SYT16: variants seen among roughly 807,000 people sequenced by gnomAD.
SYT16 encodes the protein synaptotagmin 16, also known as synaptotagmin-16.
A neutral mutation model predicts 61.4 loss-of-function variants in SYT16; 42 were observed. The ratio of observed to expected loss-of-function variants is 0.68; its 90% CI spans 0.53 to 0.89. The LOEUF is 0.89. SYT16 is among the 40% of genes least tolerant of loss of function. The pLI, the probability that SYT16 is intolerant of heterozygous loss-of-function variation, is 0.00. For missense variants in SYT16, 804 were observed against 807.3 expected, an observed-to-expected ratio of 1.00 and a Z score of 0.05; for synonymous variants, 314 against 302.3, an observed-to-expected ratio of 1.04 and a Z score of -0.40.
rs143132219 is a variant in SYT16 at position 61,869,103 on chromosome 14, G to A, written c.-325+56293G>A. ...TAGTATAGCCACTCAGCTTTATTTC[G>A]GTTAGTTTTAGTGTGGTTTATCTTT... is the stretch of plus-strand genomic sequence containing the variant. On this transcript the variant is annotated intron_variant, in intron 1 of 7. Transcript: ENST00000683842. Among the ~76,000 whole-genome samples, 434 of 151,902 alleles carry A rather than the reference G, an allele frequency of 2.9e-3. 8 individuals are homozygous for A. The highest frequency in any genetic ancestry group is 0.019 in the East Asian group (96 of 5,178).
At chr14:61,891,355 C>G (rs2048125640) in intron 1 of SYT16, among the ~76,000 whole-genome samples, 1 of 151,872 alleles carries the variant, frequency 6.6e-6, no homozygotes, top group Non-Finnish European at 1.5e-5. Context: ...AGCATTGATT[C>G]ACATTTCAAG....
chr14:62,093,921 G>T (rs1346483583), intron 7 of SYT16, among the ~76,000 whole-genome samples: 1 of 152,068 alleles, frequency 6.6e-6, no homozygotes, highest in East Asian at 1.9e-4. Flanking sequence ...ACAGTCCAAA[G>T]TAGTTATGTG....
At chr14:61,967,587 G>A (rs2051366043) in intron 1 of SYT16, among the ~76,000 whole-genome samples, 1 of 151,982 alleles carries the variant, frequency 6.6e-6, no homozygotes. Flanking sequence ...CTCTGCCCTG[G>A]GCTTCATGTG....
intron 1 of SYT16, among the ~76,000 whole-genome samples, chr14:61,913,474 A>T (rs2049007099): frequency 6.6e-6 from 1 of 152,204 alleles, no homozygotes; most frequent in South Asian, 2.1e-4. Flanking sequence ...AGAAAAAATT[A>T]ATATCATGTA....
intron 2 of SYT16, among the ~76,000 whole-genome samples, chr14:61,978,670 A>C (rs1240126425): frequency 1.3e-5 from 2 of 152,170 alleles, no homozygotes; most frequent in African/African-American, 2.4e-5. Context: ...CTTTTAAGTC[A>C]GGGAGGGAAG....
intron 1 of SYT16, among the ~76,000 whole-genome samples, chr14:61,959,011 G>A (rs949503288): frequency 4.6e-5 from 7 of 151,950 alleles, no homozygotes; most frequent in Admixed American, 4.6e-4. Flanking sequence ...GCCCTTCTTT[G>A]TCTCTTGTGA....
intron 3 of SYT16, among the ~76,000 whole-genome samples, chr14:62,021,459 AT>A (rs1216134127): frequency 6.9e-6 from 1 of 145,392 alleles, no homozygotes; most frequent in Non-Finnish European, 1.5e-5. Context: ...AGGTTATTTT[AT>A]TTTATTATTA....
At chr14:61,910,881 A>G (rs1443429210) in intron 1 of SYT16, among the ~76,000 whole-genome samples, 1 of 152,192 alleles carries the variant, frequency 6.6e-6, no homozygotes, top group Non-Finnish European at 1.5e-5. Flanking sequence ...TGATGAGGCA[A>G]GGTAATAAAC....
At chr14:62,017,488 C>T (rs1595167166) in intron 3 of SYT16, among the ~76,000 whole-genome samples, 1 of 152,176 alleles carries the variant, frequency 6.6e-6, no homozygotes, top group East Asian at 1.9e-4. Context: ...TTCTGACCTC[C>T]TCTCAAAATC....
chr14:61,890,309 C>T (rs1035346715), intron 1 of SYT16, among the ~76,000 whole-genome samples: 4 of 151,904 alleles, frequency 2.6e-5, no homozygotes, highest in African/African-American at 9.7e-5. Flanking sequence ...TGGGGCAGGC[C>T]CCTGGGAATT....
intron 7 of SYT16, among the ~76,000 whole-genome samples, chr14:62,090,211 T>C (rs1008591918): frequency 6.6e-6 from 1 of 152,260 alleles, no homozygotes; most frequent in Non-Finnish European, 1.5e-5. Context: ...TGTACAGATA[T>C]AATGGTCATT....
intron 3 of SYT16, among the ~76,000 whole-genome samples, chr14:62,007,582 T>C (rs2140683843): frequency 6.6e-6 from 1 of 152,132 alleles, no homozygotes; most frequent in East Asian, 1.9e-4. Context: ...CATTGTTACG[T>C]ATTTTGCAGT....
intron 1 of SYT16, among the ~76,000 whole-genome samples, chr14:61,957,807 T>C (rs892031500): frequency 2.0e-5 from 3 of 151,984 alleles, no homozygotes; most frequent in Admixed American, 6.6e-5. Flanking sequence ...TATTTGGTGA[T>C]AATGGCCTCA....
At chr14:61,886,912 C>CTTTT (rs2047930727) in intron 1 of SYT16, among the ~76,000 whole-genome samples, 1 of 101,888 alleles carries the variant, frequency 9.8e-6, no homozygotes, top group Admixed American at 1.0e-4. Context: ...TTTTTTTTTT[C>CTTTT]CTTTTTATGG....
At chr14:61,842,749 G>A (rs113549016) in intron 1 of SYT16, among the ~76,000 whole-genome samples, 1,562 of 150,918 alleles carry the variant, frequency 0.01, 35 homozygotes, top group African/African-American at 0.036. Context: ...CACAGGAAGG[G>A]GAACATCACA....
At chr14:61,841,663 C>T (rs186756595) in intron 1 of SYT16, among the ~76,000 whole-genome samples, 330 of 152,266 alleles carry the variant, frequency 2.2e-3, no homozygotes, top group African/African-American at 7.8e-3. Context: ...CAGTCCTTCC[C>T]TCTGTGGAGT....
intron 1 of SYT16, among the ~76,000 whole-genome samples, chr14:61,841,952 T>C (rs1470148007): frequency 6.6e-6 from 1 of 152,222 alleles, no homozygotes; most frequent in Admixed American, 6.5e-5. Context: ...ATGACTATGC[T>C]ATTGTAAATA....
chr14:61,850,134 C>G (rs930671792), intron 1 of SYT16, among the ~76,000 whole-genome samples: 3 of 150,760 alleles, frequency 2.0e-5, no homozygotes, highest in African/African-American at 7.3e-5. Flanking sequence ...TTTTCTTTTT[C>G]TTTTTCTTTT....
intron 3 of SYT16, among the ~76,000 whole-genome samples, chr14:62,038,651 C>T (rs547270187): frequency 1.3e-5 from 2 of 152,192 alleles, no homozygotes; most frequent in South Asian, 2.1e-4. Context: ...CTCTGTCTGG[C>T]CTTTATAGTT....
Sources: gnomAD v4.1 joint callset for allele counts (sites outside exome capture counted in the v4.1 genomes callset) on GRCh38, gnomAD v4.1.1 for gene constraint, MANE v1.5 for transcripts, NCBI Gene and HGNC (gene_info 2026-07-23, HGNC 2026-07-21) for gene names.